The following BIRC6 variants were observed in gnomAD, a reference collection of about 807,000 sequenced individuals.
The protein encoded by BIRC6 is baculoviral IAP repeat containing 6.
BIRC6 carries 98 observed loss-of-function variants against 503.3 expected under a neutral mutation model. The ratio of observed to expected loss-of-function variants is 0.19; its 90% confidence interval spans 0.17 to 0.23. BIRC6 has a LOEUF of 0.23. Among genes scored for constraint, BIRC6 ranks in the 10% least tolerant of loss-of-function variants. The probability of loss-of-function intolerance (pLI) is 1.00; values close to 1 mark genes in which losing one functional copy is unlikely to be tolerated. For missense variants in BIRC6, 5,360 were observed against 5,806.0 expected, an observed-to-expected ratio of 0.92 and a Z score of 2.50; for synonymous variants, 2,240 against 2,078.7, an observed-to-expected ratio of 1.08 and a Z score of -2.11.
intron 34 of BIRC6, 108 bp downstream of exon 34, chr2:32,476,452 C>T: frequency 8.3e-7 from 1 of 1,209,904 alleles, no homozygotes; most frequent in Non-Finnish European, 1.1e-6. Context: ...AACAGAGAAG[C>T]CAACCTACTC....
intron 15 of BIRC6, 100 bp from the exon 16 acceptor site, chr2:32,439,408 T>C (rs1369654191): frequency 1.7e-6 from 2 of 1,211,930 alleles, no homozygotes; most frequent in Non-Finnish European, 2.3e-6. Flanking sequence ...CCTACTGTAC[T>C]TTTTGTGGAG....
intron 49 of BIRC6, among the ~76,000 whole-genome samples, chr2:32,504,599 G>A (rs1007873235): frequency 3.3e-5 from 5 of 151,922 alleles, no homozygotes; most frequent in Admixed American, 1.3e-4. Flanking sequence ...TCTGGGAGGC[G>A]GAGCTTGCAG....
At chr2:32,400,663 T>C (rs1358834132) in intron 6 of BIRC6, among the ~76,000 whole-genome samples, 13 of 152,204 alleles carry the variant, frequency 8.5e-5, no homozygotes, top group Admixed American at 5.9e-4. Flanking sequence ...TAAAAAACTT[T>C]TTAGTAAAAT....
In BIRC6 at chr2:32,525,624, G is replaced by T. The variant is rs533430872; in HGVS notation, c.11916G>T (p.Leu3972Phe). The change falls in exon 59 of 74, where the codon TTG (leucine) becomes TTT (phenylalanine). Residue 3972 changes from leucine (L) to phenylalanine (F), a missense_variant. Leu to Phe is a conservative substitution (Grantham distance 22). Coordinates refer to ENST00000421745, the MANE Select transcript of BIRC6 (RefSeq NM_016252.4). ...TGTTTCACCTGTTTCACAAACTCTT[G>T]GCAGGTAATATTCCTCAATGAATAA... ...VPVFHLFHKL[L>F]AGQPLPAEMT... 15 of 1,611,796 alleles carry T rather than the reference G, an allele frequency of 9.3e-6. No individual in the cohort carries two copies. In the East Asian group the frequency reaches 3.3e-4, roughly 36 times the overall value.
chr2:32,603,900 TG>T (rs1350351042), intron 71 of BIRC6, among the ~76,000 whole-genome samples: 3 of 151,530 alleles, frequency 2.0e-5, no homozygotes, highest in Non-Finnish European at 2.9e-5. Flanking sequence ...TCATATATAC[TG>T]TATGTTTTTA....
At chr2:32,569,400 G>T (rs1283021127) in intron 65 of BIRC6, among the ~76,000 whole-genome samples, 1 of 151,986 alleles carries the variant, frequency 6.6e-6, no homozygotes, top group Non-Finnish European at 1.5e-5. Context: ...ACAGGGTCTT[G>T]CTCCGTCGCC....
chr2:32,575,051 T>A, intron 65 of BIRC6, 105 bp from the exon 66 acceptor site: 1 of 1,206,460 alleles, frequency 8.3e-7, no homozygotes, highest in African/African-American at 1.5e-5. Flanking sequence ...CCCAGCCGGG[T>A]CAGCTGTGGA....
At chr2:32,448,658 G>C (rs2046355025) in intron 21 of BIRC6, 137 bp from the exon 22 acceptor site, 3 of 595,534 alleles carry the variant, frequency 5.0e-6, no homozygotes, top group Non-Finnish European at 8.5e-6. Flanking sequence ...ACCGTGGAGA[G>C]GGGAGAGGGG....
At position 32,516,545 on chromosome 2, in the gene BIRC6, A is replaced by AT. The variant is rs575433709; in HGVS notation, c.11349+778dup. Among the ~76,000 whole-genome samples the AT allele has an allele frequency of 3.1e-3, 467 of 149,686 alleles. 4 individuals carry two copies. Among genetic ancestry groups the AT allele is most frequent in the Middle Eastern group, 0.017 (5 of 288 alleles). On this transcript the variant is annotated intron_variant, in intron 55 of 73. Transcript: ENST00000421745. ...AAAAAAAAAAAAAATGTGGAAGATA[A>AT]TTTATCATACTGCACTCCAGTCTGG...
At chr2:32,529,170 T>C (rs1193850200) in intron 59 of BIRC6, 1 of 152,582 alleles carries the variant, frequency 6.6e-6, no homozygotes, top group Non-Finnish European at 1.5e-5. Context: ...AGAGAGGTCC[T>C]TGTGACATAT....
chr2:32,401,470 T>C lies in BIRC6; in HGVS notation c.1265T>C (p.Leu422Ser). 6.2e-7 allele frequency: 1 copy of C among 1,613,850 alleles called. No homozygotes were observed. The highest frequency in any genetic ancestry group is 8.5e-7 in the Non-Finnish European group (1 of 1,179,830). The change falls in exon 8 of 74, where the codon TTA (leucine) becomes TCA (serine). Residue 422 changes from leucine to serine, a missense_variant. Around this residue, in one of 16 missense-constraint regions of BIRC6, gnomAD observed 700 missense variants for 739.3 expected, o/e 0.95. Transcript: ENST00000421745. Reference sequence around the variant, plus strand: ...GGCTTTTCATTTGTTTAGGTGCACTTAAAGTTTGAAATTAATGCCTATGAT... The same window carrying C: ...GGCTTTTCATTTGTTTAGGTGCACTCAAAGTTTGAAATTAATGCCTATGAT... ...WDVSKLMKVH[L>S]KFEINAYDPA... is the part of the protein sequence containing the mutation.
Position 32,518,146 on chromosome 2 carries a change from A to T in BIRC6, c.11350-108A>T, listed in dbSNP as rs1443261629. The stretch of plus-strand genomic sequence containing the variant: ...CATTTGTTCTTTAGCTACTGATTTG[A>T]TATGTTAAAATAAACTTATTCATAT... On this transcript the variant is annotated intron_variant, in intron 55 of 73. Transcript: ENST00000421745. The T allele has an allele frequency of 6.5e-6, 7 of 1,073,472 alleles. No individual in the cohort carries two copies. In the African/African-American group the frequency reaches 6.5e-5, roughly 10 times the overall value. The allele number at this position is 1,073,472 out of a possible 1,614,324, so 66.5% of individuals were successfully genotyped here.
At chr2:32,564,913 T>G (rs917799629) in intron 65 of BIRC6, 2 of 152,464 alleles carry the variant, frequency 1.3e-5, no homozygotes, top group Admixed American at 6.5e-5. Context: ...TTTTTCTTTC[T>G]CATTGAGCTG....
At chr2:32,530,608 T>C (rs544921497) in intron 60 of BIRC6, among the ~76,000 whole-genome samples, 2 of 24,466 alleles carry the variant, frequency 8.2e-5, no homozygotes, top group African/African-American at 1.9e-4. Flanking sequence ...CATCGAAACA[T>C]TGTGGTTGTT....
chr2:32,575,917 A>C (rs567830606), intron 66 of BIRC6, among the ~76,000 whole-genome samples: 1 of 152,334 alleles, frequency 6.6e-6, no homozygotes, highest in East Asian at 1.9e-4. Flanking sequence ...AGCTATAGGT[A>C]TGAAGTTTTT....
In BIRC6 at chr2:32,525,523, A is replaced by G. The variant is rs370294477; in HGVS notation, c.11815A>G (p.Arg3939Gly). The G allele has an allele frequency of 5.6e-6, 9 of 1,613,806 alleles. No individual in the cohort carries two copies. In the Admixed American group the frequency reaches 8.3e-5, roughly 15 times the overall value. Residue 3939 changes from arginine to glycine, a missense_variant, in exon 59 of 74, where the codon AGG becomes GGG. Arg to Gly is a moderately radical substitution (Grantham distance 125). Around this residue, in one of 16 missense-constraint regions of BIRC6, gnomAD observed 878 missense variants for 928.9 expected, o/e 0.95. Transcript: ENST00000421745. ...TACACCACCTCGCCCACCATCCAGG[A>G]GGGGGAGGACAATACCTGATAAAAT... The part of the protein sequence containing the change: ...SATPPRPPSR[R>G]GRTIPDKIGS...
At chr2:32,590,673 A>G in intron 66 of BIRC6, 1 of 469,576 alleles carries the variant, frequency 2.1e-6, no homozygotes, top group Non-Finnish European at 2.8e-6. Flanking sequence ...ATCCTACTTC[A>G]GATATGTGTC....
In BIRC6 at chr2:32,450,196, C is replaced by T. The variant is rs751742862; in HGVS notation, c.4618+1268C>T. The stretch of plus-strand genomic sequence containing the variant: ...AAGGAATTTAGAAATCATGATATGT[C>T]GGCCGGGCACGGTGGCTCACGCCTG... On this transcript the variant is annotated intron_variant, in intron 22 of 73. Transcript: ENST00000421745. 5.9e-4 allele frequency among the ~76,000 whole-genome samples: 90 copies of T among 152,226 alleles called. 1 individual carries two copies. Among genetic ancestry groups the T allele is most frequent in the South Asian group, 6.2e-4 (3 of 4,820 alleles).
chr2:32,535,976 T>C (rs2057200820), intron 61 of BIRC6, among the ~76,000 whole-genome samples: 1 of 152,260 alleles, frequency 6.6e-6, no homozygotes, highest in Non-Finnish European at 1.5e-5. Context: ...TGTTGTTTCC[T>C]GACTTTTTAA....
Sources: allele counts gnomAD v4.1 joint callset (sites outside exome capture counted in the v4.1 genomes callset), GRCh38; gene constraint gnomAD v4.1.1; regional missense constraint gnomAD v4.1.1; transcripts MANE v1.5; gene names NCBI Gene and HGNC (gene_info 2026-07-23, HGNC 2026-07-21).